Variants in ATP9B observed in about 807,000 individuals in gnomAD.
ATP9B encodes ATPase phospholipid transporting 9B.
In ATP9B, 110 loss-of-function variants were observed where a neutral mutation model predicts 146.1. The observed-to-expected ratio is 0.75, with a 90% confidence interval of 0.65 to 0.88. The LOEUF is 0.88. Among genes scored for constraint, ATP9B ranks in the 40% least tolerant of loss-of-function variants. The pLI is 0.00. For synonymous variants in ATP9B, 604 were observed against 569.7 expected (o/e 1.06, Z -0.86); for missense variants, 1,499 against 1,496.4 (o/e 1.00, Z -0.03).
chr18:79,164,316 C>T (rs1344656296), intron 7 of ATP9B, among the ~76,000 whole-genome samples: 3 of 152,090 alleles, frequency 2.0e-5, no homozygotes, highest in Non-Finnish European at 2.9e-5. Context: ...TTTCATGGCT[C>T]TTGATCTTTT....
rs1232330107 is a variant in ATP9B, at chr18:79,069,526, G to A, written c.116G>A (p.Ser39Asn). ...CCCAGGCCGGGAGCCGACCGGCACA[G>A]CAGGTAACCGAGGCGGCACTGGCCC... Reference protein sequence around the residue: ...AGPRPGADRHSRYQLEDESAH... With the variant: ...AGPRPGADRHNRYQLEDESAH... The change falls in exon 1 of 30, where the codon AGC becomes AAC. Residue 39 changes from serine to asparagine, a missense_variant. Transcript: ENST00000426216. 46 of 1,374,094 alleles carry A rather than the reference G, an allele frequency of 3.3e-5. No homozygotes were observed. The East Asian group carries it at 1.4e-3, about 43-fold the overall frequency. The allele number at this position is 1,374,094 out of a possible 1,614,324, so 85.1% of individuals were successfully genotyped here.
chr18:79,085,268 C>T (rs908045152), intron 1 of ATP9B: 1 of 152,216 alleles, frequency 6.6e-6, no homozygotes, highest in African/African-American at 2.4e-5. Context: ...ACCCCCTACC[C>T]CATGATTCAG....
chr18:79,323,835 T>C (rs1004969378), intron 15 of ATP9B, among the ~76,000 whole-genome samples: 12 of 152,308 alleles, frequency 7.9e-5, no homozygotes, highest in Admixed American at 7.2e-4. Context: ...CGTGGGATTG[T>C]GGATTATATG....
chr18:79,346,248 C>G (rs1440862455), intron 23 of ATP9B, among the ~76,000 whole-genome samples: 1 of 150,560 alleles, frequency 6.6e-6, no homozygotes, highest in Non-Finnish European at 1.5e-5. Flanking sequence ...AGCGCACAGT[C>G]AGCACACACG....
chr18:79,139,942 T>C (rs1221234913), intron 5 of ATP9B, among the ~76,000 whole-genome samples: 1 of 152,242 alleles, frequency 6.6e-6, no homozygotes, highest in Non-Finnish European at 1.5e-5. Context: ...CATAAAAGTA[T>C]ATTTCAGTTA....
intron 7 of ATP9B, among the ~76,000 whole-genome samples, chr18:79,174,752 T>C (rs968010159): frequency 1.3e-5 from 2 of 152,190 alleles, no homozygotes; most frequent in Non-Finnish European, 2.9e-5. Context: ...ATCATACTCA[T>C]TTTTGGTTTT....
At chr18:79,120,537 T>G (rs1035948490) in intron 4 of ATP9B, among the ~76,000 whole-genome samples, 3 of 152,226 alleles carry the variant, frequency 2.0e-5, no homozygotes, top group Non-Finnish European at 4.4e-5. Flanking sequence ...AAGTGTAAAT[T>G]GAAAATAAGT....
intron 13 of ATP9B, among the ~76,000 whole-genome samples, chr18:79,298,512 A>G (rs2096568649): frequency 6.8e-6 from 1 of 146,998 alleles, no homozygotes; most frequent in South Asian, 2.1e-4. Context: ...GTCTCCACAC[A>G]CTAAAAATGT....
intron 15 of ATP9B, among the ~76,000 whole-genome samples, chr18:79,328,399 A>G (rs2096772856): frequency 6.6e-6 from 1 of 152,256 alleles, no homozygotes; most frequent in Non-Finnish European, 1.5e-5. Flanking sequence ...GTTAAATTTT[A>G]ATAAGTCAAT....
chr18:79,133,805 G>C (rs2032222), intron 5 of ATP9B, among the ~76,000 whole-genome samples: 38,764 of 152,090 alleles, frequency 0.25, 5,291 homozygotes, highest in East Asian at 0.5. Flanking sequence ...TCACTAAAGC[G>C]GACTGAGGTC....
In ATP9B at chr18:79,307,168, G is replaced by A; in HGVS notation, c.1707G>A (p.Glu569=). 1 of 1,614,254 alleles carries A rather than the reference G, an allele frequency of 6.2e-7. No homozygotes were observed. Among genetic ancestry groups the A allele is most frequent in the Non-Finnish European group, 8.5e-7 (1 of 1,180,056 alleles). ...ESRAGVTEET[E]FAEADQDFSD... Reference sequence around the variant, plus strand: ...GGGCCGGCGTTACTGAGGAGACTGAGTTCGCAGAGGCTGACCAAGACTTCA... The same window carrying A: ...GGGCCGGCGTTACTGAGGAGACTGAATTCGCAGAGGCTGACCAAGACTTCA... The change falls in exon 15 of 30, where the codon GAG becomes GAA. Residue 569 remains glutamate (E), a synonymous_variant. Coordinates refer to ENST00000426216, the MANE Select transcript of ATP9B (RefSeq NM_198531.5).
At chr18:79,270,251 C>T (rs1228889643) in intron 12 of ATP9B, among the ~76,000 whole-genome samples, 1 of 152,056 alleles carries the variant, frequency 6.6e-6, no homozygotes, top group Non-Finnish European at 1.5e-5. Flanking sequence ...TGCATTCTTG[C>T]GCGTTCATTT....
intron 1 of ATP9B, among the ~76,000 whole-genome samples, chr18:79,070,693 TG>T (rs2071625853): frequency 1.2e-5 from 1 of 86,202 alleles, no homozygotes. Flanking sequence ...AGCACTGTCA[TG>T]TGGTGCACGC....
chr18:79,268,469 T>C (rs1345512902), intron 12 of ATP9B, among the ~76,000 whole-genome samples: 1 of 152,210 alleles, frequency 6.6e-6, no homozygotes, highest in Non-Finnish European at 1.5e-5. Context: ...ATGCAACTTT[T>C]TTCTCCAGCA....
At chr18:79,110,978 A>G (rs1405962488) in intron 3 of ATP9B, among the ~76,000 whole-genome samples, 1 of 152,232 alleles carries the variant, frequency 6.6e-6, no homozygotes, top group Non-Finnish European at 1.5e-5. Flanking sequence ...ATATTTATAT[A>G]TAGATGTCTT....
intron 13 of ATP9B, among the ~76,000 whole-genome samples, chr18:79,288,527 T>G (rs1023220588): frequency 6.6e-6 from 1 of 152,088 alleles, no homozygotes; most frequent in African/African-American, 2.4e-5. Flanking sequence ...TGAGATGGGT[T>G]TCCTGAATAC....
chr18:79,119,783 T>TA (rs1228459112), intron 4 of ATP9B, among the ~76,000 whole-genome samples: 3 of 152,224 alleles, frequency 2.0e-5, no homozygotes, highest in African/African-American at 7.2e-5. Context: ...AAATGATGAA[T>TA]AGTATGCTTT....
At chr18:79,232,296 C>T (rs2095800176) in intron 11 of ATP9B, among the ~76,000 whole-genome samples, 1 of 152,194 alleles carries the variant, frequency 6.6e-6, no homozygotes, top group African/African-American at 2.4e-5. Flanking sequence ...TTGTAGCATG[C>T]TCCTCCTTCC....
chr18:79,297,248 A>G (rs2096558096), intron 13 of ATP9B, among the ~76,000 whole-genome samples: 1 of 150,856 alleles, frequency 6.6e-6, no homozygotes, highest in African/African-American at 2.4e-5. Flanking sequence ...GAGGAGACGC[A>G]GACGACCCAG....
Sources: allele counts gnomAD v4.1 joint callset (sites outside exome capture counted in the v4.1 genomes callset), GRCh38; gene constraint gnomAD v4.1.1; transcripts MANE v1.5; gene names NCBI Gene and HGNC (gene_info 2026-07-23, HGNC 2026-07-21).